The following EIF4G3 variants were observed in gnomAD, a reference collection of about 807,000 sequenced individuals.
EIF4G3 encodes eukaryotic translation initiation factor 4 gamma 3.
EIF4G3 carries 34 observed loss-of-function variants against 186.4 expected under a neutral mutation model. The ratio of observed to expected loss-of-function variants is 0.18; its 90% CI spans 0.14 to 0.24. The LOEUF (loss-of-function observed/expected upper bound fraction) is 0.24, where lower values mean the gene tolerates loss of function less well. Among genes scored for constraint, EIF4G3 ranks in the 10% least tolerant of loss-of-function variants. The probability of loss-of-function intolerance (pLI) is 1.00; values close to 1 mark genes in which losing one functional copy is unlikely to be tolerated. For missense variants in EIF4G3, 1,536 were observed against 1,948.5 expected (o/e 0.79, Z 3.99); for synonymous variants, 673 against 679.5 (o/e 0.99, Z 0.15).
At position 20,817,378 on chromosome 1, in the gene EIF4G3, C is replaced by T. The variant is rs1327608427; in HGVS notation, c.4515+14G>A. ...CCTGTAGAGGTATCAGGGAAGGTGACATAGTCTTTATACCTCTACCCAGTC... is the reference window on the plus strand; with the variant it reads ...CCTGTAGAGGTATCAGGGAAGGTGATATAGTCTTTATACCTCTACCCAGTC... On this transcript the variant is annotated intron_variant, in intron 34 of 36. Transcript: ENST00000602326. 32 of 1,511,636 alleles carry T rather than the reference C, an allele frequency of 2.1e-5. No homozygotes were observed. Among genetic ancestry groups the T allele is most frequent in the Non-Finnish European group, 2.7e-5 (30 of 1,121,874 alleles). The allele number at this position is 1,511,636 out of a possible 1,614,324, so 93.6% of individuals were successfully genotyped here. A position where few individuals can be genotyped will look rare whatever the true frequency, so the allele number is the denominator to read the frequency against.
intron 3 of EIF4G3, among the ~76,000 whole-genome samples, chr1:21,076,743 G>A (rs575916799): frequency 6.6e-6 from 1 of 152,230 alleles, no homozygotes; most frequent in East Asian, 1.9e-4. Flanking sequence ...TCTACATGCA[G>A]AGAAATGAAA....
intron 4 of EIF4G3, among the ~76,000 whole-genome samples, chr1:21,021,923 A>T (rs1459160103): frequency 6.6e-6 from 1 of 152,208 alleles, no homozygotes; most frequent in Admixed American, 6.5e-5. Flanking sequence ...TGAATAAATC[A>T]AGAAAATCAA....
intron 33 of EIF4G3, 139 bp from the exon 34 acceptor site, chr1:20,817,677 TGTA>T: frequency 8.7e-6 from 4 of 459,116 alleles, no homozygotes; most frequent in Non-Finnish European, 1.3e-5. Flanking sequence ...ATTTTATGTT[TGTA>T]GTTTTTTTTT....
intron 3 of EIF4G3, among the ~76,000 whole-genome samples, chr1:21,088,293 G>A (rs1351372423): frequency 1.3e-5 from 2 of 151,872 alleles, no homozygotes; most frequent in Admixed American, 6.6e-5. Context: ...GGTGGCACAC[G>A]CCTATAATCC....
intron 4 of EIF4G3, among the ~76,000 whole-genome samples, 182 bp from the exon 5 acceptor site, chr1:21,002,990 C>CCT (rs2083933909): frequency 7.1e-6 from 1 of 141,194 alleles, no homozygotes; most frequent in Admixed American, 7.0e-5. Context: ...CCTTTTCTTT[C>CCT]TTTTTTTTTT....
intron 2 of EIF4G3, among the ~76,000 whole-genome samples, chr1:21,098,240 T>A (rs2096424792): frequency 6.6e-6 from 1 of 151,978 alleles, no homozygotes; most frequent in South Asian, 2.1e-4. Context: ...GATTTGTATC[T>A]AGGATACATG....
intron 14 of EIF4G3, among the ~76,000 whole-genome samples, chr1:20,934,331 A>G (rs540837175): frequency 6.6e-6 from 1 of 152,322 alleles, no homozygotes; most frequent in South Asian, 2.1e-4. Context: ...GAAGAAAAAG[A>G]TACCATTTAA....
rs192024214 is a variant in EIF4G3 at position 21,064,347 on chromosome 1, C to T, written c.-195-13353G>A. On this transcript the variant is annotated intron_variant, in intron 3 of 36. Transcript: ENST00000602326. ...GGACAGGAATAGGATTTAATGAGTA[C>T]TTATGACAGTACTTGCAGACAAGTG... Among the ~76,000 whole-genome samples the T allele has an allele frequency of 1.1e-3, 165 of 152,218 alleles. 1 individual carries two copies. Among genetic ancestry groups the T allele is most frequent in the African/African-American group, 3.8e-3 (159 of 41,544 alleles).
intron 33 of EIF4G3, among the ~76,000 whole-genome samples, 187 bp from the exon 34 acceptor site, chr1:20,817,725 A>G (rs575421189): frequency 7.6e-6 from 1 of 132,360 alleles, no homozygotes; most frequent in Admixed American, 8.9e-5. Flanking sequence ...TTGCTCTGTC[A>G]TCCAGGCTGG....
intron 11 of EIF4G3, among the ~76,000 whole-genome samples, chr1:20,972,196 T>C (rs1191122919): frequency 6.6e-6 from 1 of 152,228 alleles, no homozygotes; most frequent in African/African-American, 2.4e-5. Context: ...ACAATTAGAA[T>C]ACATTTTCTA....
intron 14 of EIF4G3, among the ~76,000 whole-genome samples, chr1:20,914,333 T>C (rs1314705455): frequency 6.6e-6 from 1 of 151,900 alleles, no homozygotes; most frequent in Non-Finnish European, 1.5e-5. Flanking sequence ...ACCCAGTGGA[T>C]CCAATGTAAT....
At chr1:21,089,785 AG>A (rs1285237159) in intron 2 of EIF4G3, among the ~76,000 whole-genome samples, 1 of 151,958 alleles carries the variant, frequency 6.6e-6, no homozygotes, top group Non-Finnish European at 1.5e-5. Context: ...AGCATGAGAC[AG>A]GAACTGCCAG....
chr1:21,058,583 T>C (rs752606212), intron 3 of EIF4G3, among the ~76,000 whole-genome samples: 21 of 150,646 alleles, frequency 1.4e-4, no homozygotes, highest in Middle Eastern at 3.4e-3. Flanking sequence ...CTGGGGTGCA[T>C]TGGTGTGATC....
chr1:21,149,198 A>T (rs2097509522), intron 2 of EIF4G3, among the ~76,000 whole-genome samples: 1 of 152,234 alleles, frequency 6.6e-6, no homozygotes. Context: ...GCAAATGTGT[A>T]TGTATATATA....
intron 2 of EIF4G3, among the ~76,000 whole-genome samples, chr1:21,123,025 C>T (rs1158844161): frequency 6.6e-6 from 1 of 152,160 alleles, no homozygotes; most frequent in African/African-American, 2.4e-5. Flanking sequence ...AACTGCTATA[C>T]AGCTTGATGG....
chr1:21,027,966 G>A (rs1478628001), intron 4 of EIF4G3, among the ~76,000 whole-genome samples: 1 of 152,120 alleles, frequency 6.6e-6, no homozygotes, highest in African/African-American at 2.4e-5. Flanking sequence ...AAAAGAAAGG[G>A]AATTCTGACA....
intron 2 of EIF4G3, among the ~76,000 whole-genome samples, chr1:21,123,033 T>C (rs1459272766): frequency 1.3e-5 from 2 of 152,204 alleles, no homozygotes; most frequent in Non-Finnish European, 2.9e-5. Flanking sequence ...TACAGCTTGA[T>C]GGCCAGGCTT....
At chr1:21,010,166 G>T (rs923449186) in intron 4 of EIF4G3, among the ~76,000 whole-genome samples, 2 of 151,906 alleles carry the variant, frequency 1.3e-5, no homozygotes, top group African/African-American at 2.4e-5. Context: ...ATGTAACAAG[G>T]CCTGGCACGA....
intron 2 of EIF4G3, among the ~76,000 whole-genome samples, chr1:21,129,086 G>T (rs560432490): frequency 6.6e-6 from 1 of 151,720 alleles, no homozygotes; most frequent in Non-Finnish European, 1.5e-5. Flanking sequence ...AGGCCGAGGC[G>T]GGTGGATCAC....
Sources: gnomAD v4.1 joint callset for allele counts (sites outside exome capture counted in the v4.1 genomes callset) on GRCh38, gnomAD v4.1.1 for gene constraint, MANE v1.5 for transcripts, NCBI Gene and HGNC (gene_info 2026-07-23, HGNC 2026-07-21) for gene names.